The following CBLB variants were observed in gnomAD, a reference collection of about 807,000 sequenced individuals.
CBLB encodes the protein Cbl proto-oncogene B, also known as E3 ubiquitin-protein ligase CBL-B.
In CBLB, 31 loss-of-function variants were observed where a neutral mutation model predicts 104.9. That is an observed-to-expected ratio of 0.30 (90% confidence interval 0.22 to 0.40). CBLB has a LOEUF of 0.40. Ranked by LOEUF, CBLB falls within the 10% of genes least tolerant of loss-of-function variation. The probability of loss-of-function intolerance (pLI) is 1.00; values close to 1 mark genes in which losing one functional copy is unlikely to be tolerated. For missense variants in CBLB, 1,062 were observed against 1,214.6 expected (o/e 0.87, Z 1.87); for synonymous variants, 440 against 422.6 (o/e 1.04, Z -0.51).
intron 13 of CBLB, among the ~76,000 whole-genome samples, chr3:105,693,118 G>A (rs2067924516): frequency 6.6e-6 from 1 of 151,888 alleles, no homozygotes; most frequent in East Asian, 1.9e-4. Context: ...GAGAAACCTG[G>A]TGGAACCAAA....
chr3:105,806,745 C>A (rs1006174824), intron 3 of CBLB, among the ~76,000 whole-genome samples: 3 of 151,808 alleles, frequency 2.0e-5, no homozygotes, highest in Admixed American at 1.3e-4. Context: ...GATAGAAATG[C>A]ACAAAAAGGA....
intron 3 of CBLB, among the ~76,000 whole-genome samples, chr3:105,788,910 G>A (rs976688387): frequency 3.9e-5 from 6 of 152,148 alleles, no homozygotes; most frequent in African/African-American, 1.4e-4. Flanking sequence ...GCCATGTTCT[G>A]AGGAAGTCCA....
At chr3:105,723,134 T>A (rs2073121192) in intron 9 of CBLB, among the ~76,000 whole-genome samples, 1 of 152,178 alleles carries the variant, frequency 6.6e-6, no homozygotes, top group Non-Finnish European at 1.5e-5. Context: ...CACATGCAAA[T>A]TAGACGTCTA....
chr3:105,702,041 A>G, intron 12 of CBLB, 53 bp downstream of exon 12: 1 of 1,601,352 alleles, frequency 6.2e-7, no homozygotes, highest in Non-Finnish European at 8.5e-7. Flanking sequence ...GCTACTGACC[A>G]TCAGAAGCAT....
intron 4 of CBLB, among the ~76,000 whole-genome samples, chr3:105,766,791 C>T (rs1288715017): frequency 6.6e-6 from 1 of 152,146 alleles, no homozygotes; most frequent in East Asian, 1.9e-4. Flanking sequence ...TTGCGATGTA[C>T]TTTATTGCAG....
Position 105,658,558 on chromosome 3 carries a change from T to C in CBLB, c.*412A>G, listed in dbSNP as rs185518704. The C allele has an allele frequency of 1.5e-5, 4 of 262,596 alleles. No individual in the cohort carries two copies. The East Asian group carries it at 2.2e-4, about 14-fold the overall frequency. 16.3% of individuals were successfully genotyped at this position (262,596 alleles called of 1,614,324 possible). A position where few individuals can be genotyped will look rare whatever the true frequency, so the allele number is the denominator to read the frequency against. ...GGACAGCAAGAGAGTTGGTGGGAAA[T>C]GTTACAGCAGACCTGACCACGCTAC... On this transcript the variant is annotated 3_prime_UTR_variant, in exon 19 of 19. Transcript: ENST00000394030.
At chr3:105,791,438 C>T (rs1336401074) in intron 3 of CBLB, among the ~76,000 whole-genome samples, 1 of 152,154 alleles carries the variant, frequency 6.6e-6, no homozygotes, top group African/African-American at 2.4e-5. Flanking sequence ...AGAAATATAT[C>T]CTTTATTCAT....
chr3:105,796,338 T>G (rs903656563), intron 3 of CBLB, among the ~76,000 whole-genome samples: 8 of 152,078 alleles, frequency 5.3e-5, no homozygotes, highest in Admixed American at 2.6e-4. Context: ...AAACAAGCAA[T>G]GGAGAAAGAA....
intron 3 of CBLB, among the ~76,000 whole-genome samples, chr3:105,830,422 T>G (rs2153076809): frequency 6.6e-6 from 1 of 152,348 alleles, no homozygotes; most frequent in African/African-American, 2.4e-5. Flanking sequence ...AATGTTTTTC[T>G]TCTGTTACAG....
intron 17 of CBLB, among the ~76,000 whole-genome samples, chr3:105,677,504 T>G (rs1242406510): frequency 6.6e-6 from 1 of 151,890 alleles, no homozygotes; most frequent in Non-Finnish European, 1.5e-5. Flanking sequence ...TTTTTAAAGA[T>G]TTTCATGATT....
At chr3:105,722,198 CAAAA>C (rs5851468) in intron 9 of CBLB, among the ~76,000 whole-genome samples, 1 of 84,414 alleles carries the variant, frequency 1.2e-5, no homozygotes, top group Non-Finnish European at 2.2e-5. Context: ...GACCCCGTGC[CAAAA>C]AAAAAAAAAA....
intron 3 of CBLB, among the ~76,000 whole-genome samples, chr3:105,814,455 TA>T (rs1341636313): frequency 6.6e-6 from 1 of 152,302 alleles, no homozygotes; most frequent in East Asian, 1.9e-4. Flanking sequence ...GCTACAAAAC[TA>T]AAATTGTTTA....
intron 3 of CBLB, among the ~76,000 whole-genome samples, chr3:105,806,938 A>G (rs1456707625): frequency 2.0e-5 from 3 of 152,232 alleles, no homozygotes; most frequent in African/African-American, 4.8e-5. Flanking sequence ...TTACAAAACT[A>G]AAAATGGAAC....
At chr3:105,720,853 GT>G (rs2072712544) in intron 9 of CBLB, among the ~76,000 whole-genome samples, 1 of 152,114 alleles carries the variant, frequency 6.6e-6, no homozygotes, top group Non-Finnish European at 1.5e-5. Flanking sequence ...CAAATATAAA[GT>G]TCTCTGTGAG....
chr3:105,681,589 G>A lies in CBLB; in HGVS notation c.2318C>T (p.Ser773Phe), dbSNP rs1225536635. 1.9e-6 allele frequency: 3 copies of A among 1,614,022 alleles called. No homozygotes were observed. Among genetic ancestry groups the A allele is most frequent in the Non-Finnish European group, 1.7e-6 (2 of 1,180,012 alleles). The change falls in exon 16 of 19, where the codon TCT becomes TTT. Residue 773 changes from serine to phenylalanine, a missense_variant. Around this residue, in one of 2 missense-constraint regions of CBLB, gnomAD observed 605 missense variants for 582.6 expected, o/e 1.04. Transcript: ENST00000394030. ...GGCAGGTGGTAATGGCACGGGATCA[G>A]AGGCTGAATCAAAAACATCTCCTAG... is the stretch of plus-strand genomic sequence containing the variant. ...YLKGDVFDSA[S>F]DPVPLPPARP...
At chr3:105,836,804 TAC>T (rs2088588804) in intron 3 of CBLB, among the ~76,000 whole-genome samples, 1 of 151,984 alleles carries the variant, frequency 6.6e-6, no homozygotes, top group South Asian at 2.1e-4. Flanking sequence ...GCAACGATAA[TAC>T]ACAGTGAGAA....
At position 105,658,246 on chromosome 3, in the gene CBLB, CA is replaced by C. The variant is rs2063474949; in HGVS notation, c.*723del. The C allele has an allele frequency of 1.4e-5, 3 of 217,818 alleles. No homozygotes were observed. Among genetic ancestry groups the C allele is most frequent in the African/African-American group, 2.3e-5 (1 of 44,400 alleles). The allele number at this position is 217,818 out of a possible 1,614,324, so 13.5% of individuals were successfully genotyped here. On this transcript the variant is annotated 3_prime_UTR_variant, in exon 19 of 19. Coordinates refer to ENST00000394030, the MANE Select transcript of CBLB (RefSeq NM_170662.5). ...AGGATTAAAGGTTACAAAACTTAAACAAAAAAGGGAAGCTCCTCTATGTTAT... is the reference window on the plus strand; with the variant it reads ...AGGATTAAAGGTTACAAAACTTAAACAAAAAGGGAAGCTCCTCTATGTTAT...
intron 7 of CBLB, among the ~76,000 whole-genome samples, chr3:105,738,972 C>T (rs570373978): frequency 7.9e-5 from 12 of 152,272 alleles, no homozygotes; most frequent in African/African-American, 2.6e-4. Flanking sequence ...TGCAGTGGCA[C>T]GATGTTGTCA....
At chr3:105,746,622 C>G (rs1012620086) in intron 5 of CBLB, among the ~76,000 whole-genome samples, 1 of 152,186 alleles carries the variant, frequency 6.6e-6, no homozygotes, top group Admixed American at 6.5e-5. Flanking sequence ...CCAAATGTCA[C>G]TTCCTCAATG....
Sources: gnomAD v4.1 joint callset for allele counts (sites outside exome capture counted in the v4.1 genomes callset) on GRCh38, gnomAD v4.1.1 for gene constraint, gnomAD v4.1.1 regional missense constraint, MANE v1.5 for transcripts, NCBI Gene and HGNC (gene_info 2026-07-23, HGNC 2026-07-21) for gene names.